Variants in TANC2 observed in about 807,000 individuals in gnomAD.
The protein encoded by TANC2 is protein TANC2.
A neutral mutation model predicts 210.5 loss-of-function variants in TANC2; 26 were observed. The ratio of observed to expected loss-of-function variants is 0.12; its 90% confidence interval spans 0.09 to 0.17. TANC2 has a LOEUF of 0.17. TANC2 is among the 10% of genes least tolerant of loss of function. TANC2 has a pLI of 1.00. For missense variants in TANC2, 2,129 were observed against 2,608.9 expected (o/e 0.82, Z 4.01); for synonymous variants, 931 against 967.1 (o/e 0.96, Z 0.69).
At chr17:63,282,329 TAAG>T (rs2044083221) in intron 9 of TANC2, among the ~76,000 whole-genome samples, 3 of 151,944 alleles carry the variant, frequency 2.0e-5, no homozygotes, top group Non-Finnish European at 4.4e-5. Flanking sequence ...GAAAGGATAA[TAAG>T]AAAATATAAA....
chr17:63,415,392 A>G, intron 25 of TANC2, 136 bp from the exon 26 acceptor site: 1 of 1,156,918 alleles, frequency 8.6e-7, no homozygotes, highest in Non-Finnish European at 1.2e-6. Flanking sequence ...TCAGGGCCAG[A>G]ACTCCTCTCT....
At chr17:63,272,449 G>T (rs72845233) in intron 9 of TANC2, among the ~76,000 whole-genome samples, 22,797 of 152,016 alleles carry the variant, frequency 0.15, 2,031 homozygotes, top group Middle Eastern at 0.21. Context: ...TCTCTTTTTG[G>T]TTCCATATGA....
At chr17:63,371,051 A>T (rs1054449454) in intron 14 of TANC2, among the ~76,000 whole-genome samples, 45 of 152,224 alleles carry the variant, frequency 3.0e-4, no homozygotes, top group Non-Finnish European at 2.8e-4. Flanking sequence ...ATATAAAGAC[A>T]CTTCACAGCA....
chr17:63,351,606 G>T (rs1175722965), intron 13 of TANC2, among the ~76,000 whole-genome samples, 190 bp downstream of exon 13: 1 of 152,114 alleles, frequency 6.6e-6, no homozygotes, highest in Non-Finnish European at 1.5e-5. Context: ...GTGACTCTCA[G>T]ATTCCCATTT....
intron 1 of TANC2, among the ~76,000 whole-genome samples, chr17:62,971,113 G>T (rs2031667547): frequency 6.6e-6 from 1 of 151,916 alleles, no homozygotes; most frequent in Non-Finnish European, 1.5e-5. Context: ...ATACCGCTTG[G>T]TTTCTTTGAA....
chr17:63,172,241 G>T (rs61293622), intron 5 of TANC2, among the ~76,000 whole-genome samples: 25,866 of 149,272 alleles, frequency 0.17, 4,467 homozygotes, highest in African/African-American at 0.45. Context: ...GCTCAGGCTG[G>T]AGTGCAATGA....
intron 10 of TANC2, among the ~76,000 whole-genome samples, chr17:63,316,828 A>G (rs1185435548): frequency 6.6e-6 from 1 of 152,158 alleles, no homozygotes; most frequent in Non-Finnish European, 1.5e-5. Flanking sequence ...TTTGGCACAA[A>G]TCTGTTACCT....
At chr17:63,020,052 C>T (rs953888094) in intron 2 of TANC2, among the ~76,000 whole-genome samples, 1 of 152,052 alleles carries the variant, frequency 6.6e-6, no homozygotes, top group Non-Finnish European at 1.5e-5. Flanking sequence ...TCAGCCTCCC[C>T]AGTAGCTGGG....
chr17:63,193,326 C>CT (rs926039243), intron 5 of TANC2, among the ~76,000 whole-genome samples: 2 of 152,070 alleles, frequency 1.3e-5, no homozygotes. Context: ...ACAGATGGAA[C>CT]TTGAGTTCAG....
At chr17:63,233,429 A>G (rs537840859) in intron 7 of TANC2, among the ~76,000 whole-genome samples, 67 of 152,306 alleles carry the variant, frequency 4.4e-4, no homozygotes, top group Non-Finnish European at 8.4e-4. Flanking sequence ...TGGGCAGGGT[A>G]ACACAATCAC....
At chr17:63,222,728 C>A (rs1230608099) in intron 7 of TANC2, among the ~76,000 whole-genome samples, 2 of 151,570 alleles carry the variant, frequency 1.3e-5, no homozygotes, top group Non-Finnish European at 2.9e-5. Context: ...TAAACACACA[C>A]ACACACACAC....
At chr17:63,025,852 T>TAAAATAAAAA (rs1555757359) in intron 2 of TANC2, among the ~76,000 whole-genome samples, 1 of 150,650 alleles carries the variant, frequency 6.6e-6, no homozygotes, top group African/African-American at 2.4e-5. Flanking sequence ...TAAAATAAAA[T>TAAAATAAAAA]AAAATAAAAA....
At chr17:63,074,904 T>C (rs1010247093) in intron 3 of TANC2, among the ~76,000 whole-genome samples, 1 of 152,202 alleles carries the variant, frequency 6.6e-6, no homozygotes, top group Non-Finnish European at 1.5e-5. Context: ...GATTTACAGA[T>C]GTGCAGTTTT....
At chr17:63,385,590 A>G (rs1407247045) in intron 15 of TANC2, among the ~76,000 whole-genome samples, 1 of 152,216 alleles carries the variant, frequency 6.6e-6, no homozygotes, top group Non-Finnish European at 1.5e-5. Context: ...TTTGTAATTG[A>G]TGTCCCTGTT....
chr17:63,321,587 C>T lies in TANC2; in HGVS notation c.1575+2497C>T, dbSNP rs991661028. On this transcript the variant is annotated intron_variant, in intron 11 of 27. Transcript: ENST00000689528. ...GTTTTTTTCCTGGGCTGTTCAAATT[C>T]TCTAGCAAAGAATCCTCCAGTCTTC... 6.6e-5 allele frequency among the ~76,000 whole-genome samples: 10 copies of T among 152,248 alleles called. 1 individual carries two copies. Among genetic ancestry groups the T allele is most frequent in the Admixed American group, 4.6e-4 (7 of 15,294 alleles).
intron 4 of TANC2, among the ~76,000 whole-genome samples, chr17:63,132,241 AT>A (rs1009501519): frequency 8.8e-4 from 130 of 148,472 alleles, no homozygotes; most frequent in African/African-American, 1.9e-3. Context: ...TACTACTAGG[AT>A]TTTTTTTTTT....
intron 9 of TANC2, among the ~76,000 whole-genome samples, chr17:63,278,353 G>A (rs574173432): frequency 6.6e-6 from 1 of 152,074 alleles, no homozygotes; most frequent in African/African-American, 2.4e-5. Flanking sequence ...CATACAAATA[G>A]CCAATAGGTA....
At chr17:62,968,599 T>G (rs1193740355) in intron 1 of TANC2, 1 of 152,226 alleles carries the variant, frequency 6.6e-6, no homozygotes, top group Admixed American at 6.5e-5. Flanking sequence ...GTAAGCCATA[T>G]GTACTGCCAC....
chr17:63,034,849 G>A (rs1283024360), intron 2 of TANC2, among the ~76,000 whole-genome samples: 1 of 152,170 alleles, frequency 6.6e-6, no homozygotes, highest in Admixed American at 6.6e-5. Context: ...TTACAGATGT[G>A]CAGAGAAAGT....
Sources: allele counts gnomAD v4.1 joint callset (sites outside exome capture counted in the v4.1 genomes callset), GRCh38; gene constraint gnomAD v4.1.1; transcripts MANE v1.5; gene names NCBI Gene and HGNC (gene_info 2026-07-23, HGNC 2026-07-21).